Variants in MPPED2 observed in about 807,000 individuals in gnomAD.
The protein encoded by MPPED2 is metallophosphoesterase MPPED2.
Under a neutral mutation model 33.0 loss-of-function variants are expected in MPPED2, and 5 were observed. The ratio of observed to expected loss-of-function variants is 0.15; its 90% CI spans 0.08 to 0.32. The LOEUF is 0.32. MPPED2 is among the 10% of genes least tolerant of loss of function. MPPED2 has a pLI of 1.00. For synonymous variants in MPPED2, 136 were observed against 141.9 expected, an observed-to-expected ratio of 0.96 and a Z score of 0.29; for missense variants, 275 against 372.1, an observed-to-expected ratio of 0.74 and a Z score of 2.15.
intron 4 of MPPED2, among the ~76,000 whole-genome samples, chr11:30,461,216 G>A (rs1051006238): frequency 1.6e-4 from 24 of 152,112 alleles, no homozygotes; most frequent in Non-Finnish European, 1.2e-4. Flanking sequence ...CTCGGGTGAA[G>A]GAGGAATGGT....
chr11:30,573,787 T>C (rs1444943555), intron 2 of MPPED2, among the ~76,000 whole-genome samples: 1 of 152,216 alleles, frequency 6.6e-6, no homozygotes, highest in Non-Finnish European at 1.5e-5. Flanking sequence ...GTGTACAATG[T>C]ATCCAACATG....
At chr11:30,415,001 C>A (rs186670056) in intron 5 of MPPED2, among the ~76,000 whole-genome samples, 14 of 152,282 alleles carry the variant, frequency 9.2e-5, no homozygotes, top group Non-Finnish European at 1.6e-4. Context: ...TAAAAACTGA[C>A]ATCAATTATA....
At chr11:30,451,870 C>T in intron 4 of MPPED2, 1 of 984,734 alleles carries the variant, frequency 1.0e-6, no homozygotes, top group Non-Finnish European at 1.2e-6. Context: ...GACAGCAGAC[C>T]TATGCCCTAG....
At chr11:30,510,077 G>A in intron 3 of MPPED2, among the ~76,000 whole-genome samples, 1 of 152,160 alleles carries the variant, frequency 6.6e-6, no homozygotes. Context: ...GTATCATGCA[G>A]TAACACCCAA....
At chr11:30,424,470 T>A (rs935449718) in intron 4 of MPPED2, among the ~76,000 whole-genome samples, 3 of 152,158 alleles carry the variant, frequency 2.0e-5, no homozygotes, top group African/African-American at 7.2e-5. Context: ...TAACCACCGC[T>A]GGTTAAAATC....
At chr11:30,509,546 G>A (rs1953029366) in intron 3 of MPPED2, among the ~76,000 whole-genome samples, 1 of 152,148 alleles carries the variant, frequency 6.6e-6, no homozygotes, top group African/African-American at 2.4e-5. Flanking sequence ...TTGACAGCTG[G>A]CTTTGCAGAG....
At chr11:30,513,483 A>G (rs1953345695) in intron 3 of MPPED2, among the ~76,000 whole-genome samples, 1 of 152,218 alleles carries the variant, frequency 6.6e-6, no homozygotes, top group South Asian at 2.1e-4. Flanking sequence ...TGTTAAAAGT[A>G]TAGTTCCTAT....
chr11:30,389,225 A>C (rs1947740480), intron 6 of MPPED2, among the ~76,000 whole-genome samples: 2 of 152,180 alleles, frequency 1.3e-5, no homozygotes, highest in Admixed American at 6.5e-5. Context: ...CCTCCAGCAG[A>C]GCCTTTTGAC....
intron 2 of MPPED2, among the ~76,000 whole-genome samples, chr11:30,572,762 G>A (rs916505232): frequency 1.3e-5 from 2 of 152,096 alleles, no homozygotes; most frequent in South Asian, 2.1e-4. Context: ...CTGTGTGAGC[G>A]TTAGGGGTCA....
chr11:30,484,774 C>G (rs1240355604), intron 4 of MPPED2, among the ~76,000 whole-genome samples: 1 of 152,116 alleles, frequency 6.6e-6, no homozygotes, highest in African/African-American at 2.4e-5. Flanking sequence ...ATGGTTTCTA[C>G]GTATCCAGAT....
Position 30,417,602 on chromosome 11 carries a change from G to C in MPPED2, c.568C>G (p.Leu190Val), listed in dbSNP as rs998551978. The change falls in exon 5 of 7, where the codon CTA becomes GTA. Residue 190 changes from leucine (L) to valine (V), a missense_variant. Coordinates refer to ENST00000358117, the MANE Select transcript of MPPED2 (RefSeq NM_001584.3). ...TCCAGCAGAGACTGACCTCTGGGTAGGTTAAAGCCCCATCCATTAAACCAC... is the reference window on the plus strand; with the variant it reads ...TCCAGCAGAGACTGACCTCTGGGTACGTTAAAGCCCCATCCATTAAACCAC... ...TPWFNGWGFN[L>V]PRGQSLLDKW... The C allele has an allele frequency of 6.2e-7, 1 of 1,613,182 alleles. No homozygotes were observed. Among genetic ancestry groups the C allele is most frequent in the Non-Finnish European group, 8.5e-7 (1 of 1,179,418 alleles).
intron 2 of MPPED2, among the ~76,000 whole-genome samples, chr11:30,567,816 A>T (rs1590888099): frequency 6.6e-6 from 1 of 152,330 alleles, no homozygotes; most frequent in South Asian, 2.1e-4. Context: ...CATCACTGAG[A>T]GTTACACTGT....
At chr11:30,390,505 G>T (rs1947758686) in intron 6 of MPPED2, among the ~76,000 whole-genome samples, 1 of 152,218 alleles carries the variant, frequency 6.6e-6, no homozygotes, top group African/African-American at 2.4e-5. Flanking sequence ...GGAGTTTATG[G>T]TAATGGAGGC....
chr11:30,522,182 T>C (rs1313452023), intron 3 of MPPED2, among the ~76,000 whole-genome samples: 2 of 152,072 alleles, frequency 1.3e-5, no homozygotes, highest in Non-Finnish European at 2.9e-5. Flanking sequence ...AAAAATGTCA[T>C]AAATGGCATG....
chr11:30,409,131 T>C (rs756936420), downstream of MPPED2, among the ~76,000 whole-genome samples: 4 of 152,238 alleles, frequency 2.6e-5, no homozygotes, highest in Non-Finnish European at 5.9e-5. Context: ...GGGCTGGGCA[T>C]ACATACTTGT....
chr11:30,565,832 A>G (rs1956418965), intron 2 of MPPED2, among the ~76,000 whole-genome samples: 1 of 152,136 alleles, frequency 6.6e-6, no homozygotes, highest in African/African-American at 2.4e-5. Flanking sequence ...TTAGTCACCC[A>G]CAATTAGAAC....
chr11:30,483,764 C>T lies in MPPED2; in HGVS notation c.536+11532G>A, dbSNP rs772656992. 2.8e-4 allele frequency among the ~76,000 whole-genome samples: 42 copies of T among 152,044 alleles called. 1 individual carries two copies. Among genetic ancestry groups the T allele is most frequent in the Admixed American group, 3.9e-4 (6 of 15,276 alleles). ...GACAATCCTCTTTCTAGAACCATGG[C>T]GCTCCAAAGCTACTTCCCATGGCTC... is the stretch of plus-strand genomic sequence containing the variant. On this transcript the variant is annotated intron_variant, in intron 4 of 6. Transcript: ENST00000358117.
chr11:30,563,202 T>A (rs1399621626), intron 2 of MPPED2, among the ~76,000 whole-genome samples: 1 of 152,086 alleles, frequency 6.6e-6, no homozygotes, highest in Non-Finnish European at 1.5e-5. Context: ...AGATCAGCAG[T>A]CCCCAGCCCT....
intron 2 of MPPED2, among the ~76,000 whole-genome samples, chr11:30,568,735 TTTAAAG>T (rs1249244918): frequency 6.6e-6 from 1 of 152,180 alleles, no homozygotes; most frequent in Non-Finnish European, 1.5e-5. Context: ...AAACCCCTTA[TTTAAAG>T]TTAAATTATT....
Sources: allele counts gnomAD v4.1 joint callset (sites outside exome capture counted in the v4.1 genomes callset), GRCh38; gene constraint gnomAD v4.1.1; transcripts MANE v1.5; gene names NCBI Gene and HGNC (gene_info 2026-07-23, HGNC 2026-07-21).